Variants in TMEM232 observed in about 807,000 individuals in gnomAD.
TMEM232 encodes transmembrane protein 232.
In TMEM232, 80 loss-of-function variants were observed where a neutral mutation model predicts 78.8. The ratio of observed to expected loss-of-function variants is 1.01; its 90% CI spans 0.85 to 1.22. The LOEUF (loss-of-function observed/expected upper bound fraction) is 1.22. Ranked by LOEUF, TMEM232 falls within the 50% of genes most tolerant of loss-of-function variation. The pLI, the probability that TMEM232 is intolerant of heterozygous loss-of-function variation, is 0.00. For missense variants in TMEM232, 881 were observed against 742.2 expected, an observed-to-expected ratio of 1.19 and a Z score of -2.17; for synonymous variants, 297 against 254.3, an observed-to-expected ratio of 1.17 and a Z score of -1.60.
chr5:110,529,251 T>C (rs901612699), intron 11 of TMEM232, among the ~76,000 whole-genome samples: 2 of 152,134 alleles, frequency 1.3e-5, no homozygotes, highest in Non-Finnish European at 2.9e-5. Flanking sequence ...AGAGCATTTT[T>C]TTTTTCTTTT....
At chr5:110,514,337 TAAA>T (rs1014184199) in intron 12 of TMEM232, among the ~76,000 whole-genome samples, 1 of 151,716 alleles carries the variant, frequency 6.6e-6, no homozygotes, top group Non-Finnish European at 1.5e-5. Flanking sequence ...ATTCATAGCT[TAAA>T]AAAAAGCACA....
At chr5:110,607,447 T>C (rs1231817333) in intron 8 of TMEM232, among the ~76,000 whole-genome samples, 1 of 152,028 alleles carries the variant, frequency 6.6e-6, no homozygotes. Context: ...ACTATTTGTC[T>C]CCTTTTCTAA....
chr5:110,445,148 C>T (rs957207898), intron 12 of TMEM232, among the ~76,000 whole-genome samples: 2 of 151,570 alleles, frequency 1.3e-5, no homozygotes, highest in Non-Finnish European at 2.9e-5. Flanking sequence ...TCTTTTTCTG[C>T]ACTGTTTCAA....
chr5:110,391,511 C>A (rs1755196617), intron 3 of TMEM232, among the ~76,000 whole-genome samples: 1 of 151,770 alleles, frequency 6.6e-6, no homozygotes, highest in Non-Finnish European at 1.5e-5. Context: ...GAAAATATTA[C>A]TCAAATAATA....
chr5:110,711,353 T>A (rs1386732894), intron 1 of TMEM232, among the ~76,000 whole-genome samples: 1 of 152,146 alleles, frequency 6.6e-6, no homozygotes, highest in Admixed American at 6.5e-5. Flanking sequence ...ATCTACAGAT[T>A]CAATGCAATC....
intron 12 of TMEM232, among the ~76,000 whole-genome samples, chr5:110,507,197 G>A (rs1767008537): frequency 6.6e-6 from 1 of 152,170 alleles, no homozygotes; most frequent in Non-Finnish European, 1.5e-5. Context: ...AGGGGAAGGG[G>A]AAAGAGAGGT....
intron 1 of TMEM232, among the ~76,000 whole-genome samples, chr5:110,700,602 G>A (rs1054317995): frequency 6.6e-6 from 1 of 151,916 alleles, no homozygotes; most frequent in Admixed American, 6.6e-5. Flanking sequence ...TCTGAAGAAA[G>A]ATTGCAAAAA....
intron 2 of TMEM232, among the ~76,000 whole-genome samples, chr5:110,409,496 G>A (rs1480928987): frequency 6.6e-6 from 1 of 152,188 alleles, no homozygotes; most frequent in Non-Finnish European, 1.5e-5. Flanking sequence ...TATAATGAAT[G>A]TGATTCTTAG....
chr5:110,584,560 C>A (rs1778587338), intron 10 of TMEM232, among the ~76,000 whole-genome samples: 2 of 152,006 alleles, frequency 1.3e-5, no homozygotes, highest in African/African-American at 4.8e-5. Context: ...TGAATAAGTT[C>A]TAGAGATCTG....
chr5:110,641,974 T>TA (rs1440809153), intron 3 of TMEM232, among the ~76,000 whole-genome samples: 2 of 152,144 alleles, frequency 1.3e-5, no homozygotes, highest in Non-Finnish European at 2.9e-5. Context: ...ATATCTCAAT[T>TA]AACTTTTTTT....
chr5:110,625,776 T>A (rs891737316), intron 6 of TMEM232, among the ~76,000 whole-genome samples: 1 of 149,602 alleles, frequency 6.7e-6, no homozygotes, highest in Admixed American at 6.7e-5. Context: ...TACTTTGACA[T>A]TGTAATTCTA....
chr5:110,532,768 G>A (rs961163250), intron 11 of TMEM232, among the ~76,000 whole-genome samples: 24 of 151,910 alleles, frequency 1.6e-4, no homozygotes, highest in Non-Finnish European at 2.6e-4. Flanking sequence ...CTTGGCGACC[G>A]ATCATGCACT....
intron 5 of TMEM232, among the ~76,000 whole-genome samples, chr5:110,637,575 G>GTA (rs146107045): frequency 4.3e-4 from 63 of 147,930 alleles, no homozygotes; most frequent in African/African-American, 9.6e-4. Flanking sequence ...ACATATATGT[G>GTA]TATATATATA....
chr5:110,713,628 C>A (rs1255396135), intron 1 of TMEM232, among the ~76,000 whole-genome samples: 1 of 151,682 alleles, frequency 6.6e-6, no homozygotes, highest in African/African-American at 2.4e-5. Context: ...TTTAAGTGAC[C>A]CAAGATGTCT....
intron 7 of TMEM232, among the ~76,000 whole-genome samples, chr5:110,620,916 G>A (rs1019700630): frequency 5.2e-5 from 7 of 135,778 alleles, no homozygotes; most frequent in African/African-American, 2.0e-4. Context: ...AGGCTGGAGT[G>A]TGATGGCGTG....
chr5:110,550,040 T>C (rs1329110467), intron 11 of TMEM232, among the ~76,000 whole-genome samples: 1 of 152,174 alleles, frequency 6.6e-6, no homozygotes. Flanking sequence ...AACAATCACA[T>C]GCATGAATAC....
intron 11 of TMEM232, among the ~76,000 whole-genome samples, chr5:110,556,634 A>C (rs761671667): frequency 2.6e-5 from 4 of 152,100 alleles, no homozygotes; most frequent in Non-Finnish European, 5.9e-5. Flanking sequence ...TGATCCACCC[A>C]ACTCAGCCTC....
chr5:110,708,169 A>G (rs1796128165), intron 1 of TMEM232, among the ~76,000 whole-genome samples: 1 of 152,194 alleles, frequency 6.6e-6, no homozygotes, highest in Non-Finnish European at 1.5e-5. Context: ...CTTGCACTTT[A>G]GGTCCCAGCT....
chr5:110,623,185 C>T (rs986985041), intron 7 of TMEM232, among the ~76,000 whole-genome samples: 5 of 152,096 alleles, frequency 3.3e-5, no homozygotes, highest in Non-Finnish European at 5.9e-5. Flanking sequence ...GAAATGGGGT[C>T]CAACAGCAGA....
Sources: gnomAD v4.1 joint callset for allele counts (sites outside exome capture counted in the v4.1 genomes callset) on GRCh38, gnomAD v4.1.1 for gene constraint, MANE v1.5 for transcripts, NCBI Gene and HGNC (gene_info 2026-07-23, HGNC 2026-07-21) for gene names.